PDZD2: variants seen among roughly 807,000 people sequenced by gnomAD.
The protein encoded by PDZD2 is PDZ domain-containing protein 2.
Under a neutral mutation model 220.7 loss-of-function variants are expected in PDZD2, and 90 were observed. The ratio of observed to expected loss-of-function variants is 0.41; its 90% CI spans 0.34 to 0.49. The LOEUF (loss-of-function observed/expected upper bound fraction) is 0.49, where lower values mean the gene tolerates loss of function less well. PDZD2 is among the 20% of genes least tolerant of loss of function. PDZD2 has a pLI of 0.28. For missense variants in PDZD2, 3,174 were observed against 3,608.5 expected (o/e 0.88, Z 3.08); for synonymous variants, 1,375 against 1,450.5 (o/e 0.95, Z 1.18).
intron 6 of PDZD2, among the ~76,000 whole-genome samples, chr5:32,023,720 G>A (rs1175911883): frequency 1.3e-5 from 2 of 152,072 alleles, no homozygotes; most frequent in Admixed American, 6.6e-5. Context: ...TCTTCATAAC[G>A]ACTCTGGGTA....
chr5:31,904,559 G>A (rs1263636627), intron 2 of PDZD2, among the ~76,000 whole-genome samples: 1 of 152,002 alleles, frequency 6.6e-6, no homozygotes, highest in East Asian at 1.9e-4. Context: ...ACAGAGTCTC[G>A]CTCTGTCGCG....
chr5:32,008,743 T>C (rs74675265), intron 5 of PDZD2, among the ~76,000 whole-genome samples: 4,546 of 152,210 alleles, frequency 0.03, 256 homozygotes, highest in African/African-American at 0.11. Flanking sequence ...AGGGGAGATA[T>C]ACAAGTAGAC....
chr5:31,727,269 T>C (rs1459482492), intron 1 of PDZD2, among the ~76,000 whole-genome samples: 1 of 152,204 alleles, frequency 6.6e-6, no homozygotes, highest in East Asian at 1.9e-4. Context: ...TGATGGCTGC[T>C]TGACTTGGAC....
chr5:31,882,040 T>C (rs1739977174), intron 2 of PDZD2, among the ~76,000 whole-genome samples: 1 of 152,172 alleles, frequency 6.6e-6, no homozygotes, highest in African/African-American at 2.4e-5. Context: ...TATTTAATAG[T>C]GCTTAGTTTG....
At chr5:31,949,222 T>C (rs1746955929) in intron 2 of PDZD2, among the ~76,000 whole-genome samples, 1 of 152,132 alleles carries the variant, frequency 6.6e-6, no homozygotes, top group South Asian at 2.1e-4. Context: ...AATCTCATTT[T>C]TTTTTTAAGT....
intron 2 of PDZD2, among the ~76,000 whole-genome samples, chr5:31,897,480 A>G (rs1019530714): frequency 1.3e-5 from 2 of 152,100 alleles, no homozygotes; most frequent in Non-Finnish European, 2.9e-5. Context: ...GTCGCAAGTG[A>G]TGTGTGTTCG....
intron 2 of PDZD2, among the ~76,000 whole-genome samples, chr5:31,885,138 A>G (rs1287273770): frequency 1.3e-5 from 2 of 150,630 alleles, no homozygotes; most frequent in East Asian, 3.9e-4. Flanking sequence ...GGCAACTCCC[A>G]GAAGAAAAAG....
intron 2 of PDZD2, among the ~76,000 whole-genome samples, chr5:31,959,569 C>T (rs924393072): frequency 5.9e-5 from 9 of 151,862 alleles, no homozygotes; most frequent in Admixed American, 4.6e-4. Context: ...ATGTTGGCCA[C>T]GAACTCCTGA....
chr5:31,768,999 C>T (rs917505322), intron 1 of PDZD2, among the ~76,000 whole-genome samples: 3 of 152,338 alleles, frequency 2.0e-5, no homozygotes, highest in Middle Eastern at 3.4e-3. Flanking sequence ...TCAGTAAATT[C>T]GTCCAGAATG....
At chr5:31,950,552 T>C (rs1385319932) in intron 2 of PDZD2, among the ~76,000 whole-genome samples, 1 of 152,196 alleles carries the variant, frequency 6.6e-6, no homozygotes, top group Admixed American at 6.5e-5. Flanking sequence ...TGTTTACTCT[T>C]CATCATGATA....
chr5:31,889,615 C>T (rs898212341), intron 2 of PDZD2, among the ~76,000 whole-genome samples: 1 of 152,150 alleles, frequency 6.6e-6, no homozygotes, highest in Non-Finnish European at 1.5e-5. Flanking sequence ...GGGGGAAAAG[C>T]CCTTTACTCG....
intron 1 of PDZD2, among the ~76,000 whole-genome samples, chr5:31,689,330 C>T (rs13155889): frequency 2.6e-4 from 15 of 58,614 alleles, no homozygotes; most frequent in African/African-American, 1.4e-3. Context: ...CATATATATA[C>T]ATATACATAT....
chr5:32,036,683 C>T (rs1022240015), intron 6 of PDZD2, among the ~76,000 whole-genome samples: 2 of 152,090 alleles, frequency 1.3e-5, no homozygotes, highest in African/African-American at 4.8e-5. Flanking sequence ...ATACTCACTC[C>T]GGAGCATAGC....
intron 2 of PDZD2, among the ~76,000 whole-genome samples, chr5:31,861,909 C>T (rs1318418847): frequency 6.7e-6 from 1 of 149,244 alleles, no homozygotes; most frequent in Non-Finnish European, 1.5e-5. Context: ...CAATGATGTA[C>T]TCTATTTTTA....
chr5:31,984,372 G>C (rs1311068888), intron 3 of PDZD2, among the ~76,000 whole-genome samples: 1 of 152,138 alleles, frequency 6.6e-6, no homozygotes, highest in Non-Finnish European at 1.5e-5. Flanking sequence ...TGTCCTATGA[G>C]AATTGCATTT....
chr5:32,013,159 A>G (rs186352603), intron 6 of PDZD2, among the ~76,000 whole-genome samples: 18 of 152,246 alleles, frequency 1.2e-4, no homozygotes, highest in African/African-American at 3.8e-4. Flanking sequence ...ATGTATCCCT[A>G]TGTCATTAAA....
intron 2 of PDZD2, among the ~76,000 whole-genome samples, chr5:31,812,207 A>G (rs946216150): frequency 7.2e-5 from 11 of 152,274 alleles, no homozygotes; most frequent in Non-Finnish European, 1.2e-4. Flanking sequence ...AAAATGGTTC[A>G]TGCTCTAGAA....
At chr5:32,103,082 C>G (rs1283700107) in intron 24 of PDZD2, among the ~76,000 whole-genome samples, 1 of 151,568 alleles carries the variant, frequency 6.6e-6, no homozygotes, top group Non-Finnish European at 1.5e-5. Context: ...AAAGAGATGA[C>G]TACAAAAAGG....
intron 1 of PDZD2, among the ~76,000 whole-genome samples, chr5:31,690,936 G>A (rs1235969151): frequency 6.6e-6 from 1 of 152,138 alleles, no homozygotes; most frequent in Admixed American, 6.6e-5. Context: ...CCAACACAAA[G>A]CAGTAAAAAG....
Sources: gnomAD v4.1 joint callset for allele counts (sites outside exome capture counted in the v4.1 genomes callset) on GRCh38, gnomAD v4.1.1 for gene constraint, MANE v1.5 for transcripts, NCBI Gene and HGNC (gene_info 2026-07-23, HGNC 2026-07-21) for gene names.